Variants in TECRL observed in about 807,000 individuals in gnomAD.
The protein encoded by TECRL is trans-2,3-enoyl-CoA reductase like.
TECRL carries 63 observed loss-of-function variants against 52.8 expected under a neutral mutation model. That is an observed-to-expected ratio of 1.19 (90% CI 0.97 to 1.47). TECRL has a LOEUF of 1.47. Ranked by LOEUF, TECRL falls within the 40% of genes most tolerant of loss-of-function variation. The pLI is 0.00. For synonymous variants in TECRL, 164 were observed against 141.9 expected, an observed-to-expected ratio of 1.16 and a Z score of -1.10; for missense variants, 482 against 429.6, an observed-to-expected ratio of 1.12 and a Z score of -1.08.
At chr4:64,340,031 G>T (rs1442971152) in intron 2 of TECRL, among the ~76,000 whole-genome samples, 1 of 152,088 alleles carries the variant, frequency 6.6e-6, no homozygotes, top group African/African-American at 2.4e-5. Context: ...TTGACTTTCT[G>T]AGTTACTGAA....
intron 7 of TECRL, among the ~76,000 whole-genome samples, chr4:64,303,482 C>T (rs1288195851): frequency 6.6e-6 from 1 of 151,656 alleles, no homozygotes; most frequent in African/African-American, 2.4e-5. Flanking sequence ...ATTGGCTAAC[C>T]TCTTGCACAG....
chr4:64,343,333 G>A (rs1047092751), intron 2 of TECRL, among the ~76,000 whole-genome samples: 9 of 152,016 alleles, frequency 5.9e-5, no homozygotes, highest in African/African-American at 2.2e-4. Context: ...CGTGCTCAAA[G>A]AAAGGTTTAT....
chr4:64,386,978 TG>T (rs1415124613), intron 1 of TECRL, among the ~76,000 whole-genome samples: 1 of 152,178 alleles, frequency 6.6e-6, no homozygotes, highest in African/African-American at 2.4e-5. Context: ...TCACTCATGG[TG>T]TTGTACGTTC....
chr4:64,377,366 G>A (rs1052097492), intron 1 of TECRL, among the ~76,000 whole-genome samples: 4 of 152,008 alleles, frequency 2.6e-5, no homozygotes, highest in African/African-American at 9.7e-5. Context: ...ATGATAATTA[G>A]CTGAGCATAT....
At chr4:64,375,150 C>A in intron 2 of TECRL, 22 bp downstream of exon 2, 1 of 1,192,946 alleles carries the variant, frequency 8.4e-7, no homozygotes, top group South Asian at 1.7e-5. Flanking sequence ...GATGTAAATT[C>A]TAAATAATAT....
chr4:64,320,856 A>G (rs1490447046), intron 4 of TECRL, among the ~76,000 whole-genome samples: 1 of 152,112 alleles, frequency 6.6e-6, no homozygotes, highest in African/African-American at 2.4e-5. Context: ...TGCATCGTCT[A>G]TAGGTTGTTT....
intron 2 of TECRL, among the ~76,000 whole-genome samples, chr4:64,356,077 A>T (rs1380518283): frequency 6.6e-6 from 1 of 152,110 alleles, no homozygotes; most frequent in Non-Finnish European, 1.5e-5. Flanking sequence ...GCTGTGCAGG[A>T]TGTGCCTTGT....
At chr4:64,337,107 G>C (rs1466834801) in intron 2 of TECRL, among the ~76,000 whole-genome samples, 1 of 151,938 alleles carries the variant, frequency 6.6e-6, no homozygotes, top group Non-Finnish European at 1.5e-5. Context: ...TGACAGTGGG[G>C]TGTTAAAGTC....
intron 5 of TECRL, among the ~76,000 whole-genome samples, chr4:64,311,827 A>G (rs1432177504): frequency 1.3e-5 from 2 of 152,156 alleles, no homozygotes; most frequent in East Asian, 1.9e-4. Context: ...TGTGAATCCA[A>G]TTCTTTTTCC....
intron 2 of TECRL, among the ~76,000 whole-genome samples, chr4:64,335,592 TGGTGC>T (rs1719013406): frequency 6.6e-6 from 1 of 152,198 alleles, no homozygotes; most frequent in Admixed American, 6.5e-5. Context: ...AACTGGTCTC[TGGTGC>T]CAAAAAGGTT....
At chr4:64,364,240 A>T (rs1165421640) in intron 2 of TECRL, among the ~76,000 whole-genome samples, 1 of 152,096 alleles carries the variant, frequency 6.6e-6, no homozygotes, top group African/African-American at 2.4e-5. Context: ...AACATACCAG[A>T]ATCTCTAGGC....
intron 1 of TECRL, among the ~76,000 whole-genome samples, chr4:64,406,869 G>A (rs1724762598): frequency 6.6e-6 from 1 of 151,880 alleles, no homozygotes; most frequent in African/African-American, 2.4e-5. Flanking sequence ...ACTGGGTAGA[G>A]CCAGGTACAA....
downstream of TECRL, chr4:64,276,796 A>C: frequency 9.5e-6 from 3 of 315,168 alleles, no homozygotes; most frequent in Non-Finnish European, 1.7e-5. Flanking sequence ...TATTATTTAC[A>C]TAAATCTTAT....
intron 2 of TECRL, among the ~76,000 whole-genome samples, chr4:64,349,334 T>C (rs1183754927): frequency 2.0e-5 from 3 of 151,984 alleles, no homozygotes; most frequent in Non-Finnish European, 4.4e-5. Context: ...GGTTTCTCCA[T>C]GTAGGCCAGG....
intron 2 of TECRL, among the ~76,000 whole-genome samples, chr4:64,337,379 C>T (rs1719178933): frequency 6.6e-6 from 1 of 152,136 alleles, no homozygotes; most frequent in African/African-American, 2.4e-5. Context: ...GACAGGAATG[C>T]CCTCTCTCAC....
At chr4:64,309,480 C>T (rs1724537877) in intron 6 of TECRL, among the ~76,000 whole-genome samples, 1 of 151,976 alleles carries the variant, frequency 6.6e-6, no homozygotes, top group South Asian at 2.1e-4. Context: ...CATTTTAATC[C>T]CACACAGATG....
In TECRL at chr4:64,305,093, T is replaced by C. The variant is rs996126989; in HGVS notation, c.730+73A>G. The C allele has an allele frequency of 2.5e-5, 26 of 1,029,894 alleles. No individual in the cohort carries two copies. The African/African-American group carries it at 2.9e-4, about 11-fold the overall frequency. The allele number at this position is 1,029,894 out of a possible 1,614,324, so 63.8% of individuals were successfully genotyped here. On this transcript the variant is annotated intron_variant, in intron 7 of 11. Transcript: ENST00000381210. ...GTTTCATTTTTTACTTATTCCTTTA[T>C]GTATGTCATTTAGAATAGAGTTTTT...
intron 1 of TECRL, among the ~76,000 whole-genome samples, chr4:64,389,346 A>G (rs1008721842): frequency 6.6e-6 from 1 of 151,860 alleles, no homozygotes; most frequent in Admixed American, 6.6e-5. Flanking sequence ...ATTTTGTCAA[A>G]TGATTTCTCT....
At position 64,375,229 on chromosome 4, in the gene TECRL, A is replaced by G; in HGVS notation, c.235-6T>C. The G allele has an allele frequency of 2.2e-6, 3 of 1,371,822 alleles. No individual in the cohort carries two copies. Among genetic ancestry groups the G allele is most frequent in the Non-Finnish European group, 2.9e-6 (3 of 1,039,696 alleles). 85.0% of individuals were successfully genotyped at this position (1,371,822 alleles called of 1,614,324 possible). On this transcript the variant is annotated splice_region_variant and splice_polypyrimidine_tract_variant and intron_variant, in intron 1 of 11. Transcript: ENST00000381210. Reference sequence around the variant, plus strand: ...ATAGTAGATGATTGTGTCACCTGAAAAGGAAAAGAAAATAGAGTTATTTTT... The same window carrying G: ...ATAGTAGATGATTGTGTCACCTGAAGAGGAAAAGAAAATAGAGTTATTTTT...
Sources: gnomAD v4.1 joint callset for allele counts (sites outside exome capture counted in the v4.1 genomes callset) on GRCh38, gnomAD v4.1.1 for gene constraint, MANE v1.5 for transcripts, NCBI Gene and HGNC (gene_info 2026-07-23, HGNC 2026-07-21) for gene names.